DPRX: variants seen among roughly 807,000 people sequenced by gnomAD.
DPRX encodes divergent-paired related homeobox, also known as divergent paired-related homeobox.
DPRX carries 11 observed loss-of-function variants against 8.4 expected under a neutral mutation model. The observed-to-expected ratio is 1.31, with a 90% CI of 0.82 to 2.17. DPRX has a LOEUF of 2.17. Ranked by LOEUF, DPRX falls within the 30% of genes most tolerant of loss-of-function variation. The pLI is 0.00. For synonymous variants in DPRX, 72 were observed against 87.0 expected (o/e 0.83, Z 0.96); for missense variants, 211 against 236.7 (o/e 0.89, Z 0.71).
At chr19:53,606,603 A>C in the DPRX span, 1 of 152,846 alleles carries the variant, frequency 6.5e-6, no homozygotes, top group African/African-American at 2.4e-5. The surrounding 1 kb of genome is among the most constrained non-coding windows in gnomAD (Gnocchi z 4.8). Context: ...AAGCAGATGA[A>C]GATCGAGGTC....
chr19:53,616,166 C>T, the DPRX span, among the ~76,000 whole-genome samples: 5 of 151,932 alleles, frequency 3.3e-5, no homozygotes, highest in Non-Finnish European at 7.4e-5. Flanking sequence ...GCAGGAGAAT[C>T]GCTTGAATCC....
the DPRX span, among the ~76,000 whole-genome samples, chr19:53,626,816 A>G: frequency 2.6e-5 from 4 of 152,102 alleles, no homozygotes; most frequent in African/African-American, 9.7e-5. Context: ...CTGGTGCCTC[A>G]GCCTCCCGAG....
the DPRX span, among the ~76,000 whole-genome samples, chr19:53,614,286 G>C: frequency 1.3e-5 from 2 of 152,230 alleles, no homozygotes; most frequent in South Asian, 4.2e-4. Context: ...GCGATGGTGC[G>C]TGCCTGTGGT....
chr19:53,602,267 GGTGTGTGTGTGTGTGTGTGT>G, the DPRX span: 20 of 277,292 alleles, frequency 7.2e-5, no homozygotes, highest in East Asian at 4.3e-4. Context: ...TATGGGTATG[GGTGTGTGTGTGTGTGTGTGT>G]GTGTGTGTGT....
chr19:53,618,414 A>G, the DPRX span, among the ~76,000 whole-genome samples: 3 of 151,942 alleles, frequency 2.0e-5, no homozygotes, highest in South Asian at 6.2e-4. Context: ...CTGCCTGAAC[A>G]ATAACATGTA....
the DPRX span, among the ~76,000 whole-genome samples, chr19:53,624,298 A>C: frequency 6.6e-6 from 1 of 151,742 alleles, no homozygotes; most frequent in Non-Finnish European, 1.5e-5. Flanking sequence ...CCTGTTGCCC[A>C]GGCTGGTCTC....
chr19:53,612,033 G>A, the DPRX span, among the ~76,000 whole-genome samples: 3 of 151,442 alleles, frequency 2.0e-5, no homozygotes, highest in Admixed American at 6.6e-5. Flanking sequence ...GCCGTGAGCC[G>A]AGATCGTGCC....
the DPRX span, chr19:53,604,498 C>A: frequency 6.6e-6 from 1 of 152,572 alleles, no homozygotes; most frequent in Admixed American, 6.6e-5. Flanking sequence ...ACAGGAAAGC[C>A]ATGATTGCTA....
At chr19:53,627,690 C>T (rs1411728072), upstream of DPRX, among the ~76,000 whole-genome samples, 2 of 150,624 alleles carry the variant, frequency 1.3e-5, no homozygotes, top group Admixed American at 1.3e-4. Context: ...CCGCCCACCT[C>T]GGCCTCCCAA....
intron 1 of DPRX, among the ~76,000 whole-genome samples, chr19:53,632,902 G>A (rs1030891229): frequency 6.6e-6 from 1 of 152,198 alleles, no homozygotes; most frequent in Non-Finnish European, 1.5e-5. Context: ...TTAGGTCCTA[G>A]ATAGAATATA....
At chr19:53,633,689 T>C (rs535603823) in intron 1 of DPRX, among the ~76,000 whole-genome samples, 5 of 152,214 alleles carry the variant, frequency 3.3e-5, no homozygotes, top group African/African-American at 7.2e-5. Flanking sequence ...TTTGTACTTT[T>C]AGTAGAGACA....
chr19:53,626,404 AG>A, the DPRX span, among the ~76,000 whole-genome samples: 1 of 152,074 alleles, frequency 6.6e-6, no homozygotes, highest in African/African-American at 2.4e-5. Flanking sequence ...CTACAAAAAA[AG>A]TTTTAATTAG....
chr19:53,620,917 T>TAAA, the DPRX span, among the ~76,000 whole-genome samples: 1 of 151,972 alleles, frequency 6.6e-6, no homozygotes, highest in Non-Finnish European at 1.5e-5. Context: ...TTCTATGGGA[T>TAAA]AAATGACAGC....
chr19:53,613,489 G>A, the DPRX span, among the ~76,000 whole-genome samples: 8 of 151,722 alleles, frequency 5.3e-5, no homozygotes, highest in Non-Finnish European at 7.4e-5. Flanking sequence ...CTGGAATTAC[G>A]GGTGCGTGCC....
At chr19:53,633,049 A>T (rs2091099082) in intron 1 of DPRX, among the ~76,000 whole-genome samples, 1 of 152,090 alleles carries the variant, frequency 6.6e-6, no homozygotes, top group Non-Finnish European at 1.5e-5. Context: ...TAATCCCAGC[A>T]CTTTGGGAGG....
At chr19:53,615,768 G>A in the DPRX span, among the ~76,000 whole-genome samples, 88 of 151,272 alleles carry the variant, frequency 5.8e-4, no homozygotes, top group Non-Finnish European at 6.5e-4. Context: ...TGAAAAGTTC[G>A]ATTTTTCCTG....
the DPRX span, among the ~76,000 whole-genome samples, chr19:53,612,187 C>T: frequency 6.6e-6 from 1 of 151,478 alleles, no homozygotes; most frequent in African/African-American, 2.4e-5. Context: ...AATTCAAGAC[C>T]AGCCTGAGAA....
the DPRX span, among the ~76,000 whole-genome samples, chr19:53,619,472 A>G: frequency 3.9e-4 from 59 of 152,010 alleles, no homozygotes; most frequent in African/African-American, 1.4e-3. Flanking sequence ...GTTGGGAGTT[A>G]GAGACCAGCC....
chr19:53,631,098 C>T (rs1259629739), upstream of DPRX, among the ~76,000 whole-genome samples: 1 of 151,938 alleles, frequency 6.6e-6, no homozygotes, highest in African/African-American at 2.4e-5. Flanking sequence ...CCGCCTGCCT[C>T]AGCCTCCCAA....
Sources: allele counts gnomAD v4.1 joint callset (sites outside exome capture counted in the v4.1 genomes callset), GRCh38; gene constraint gnomAD v4.1.1; non-coding constraint Gnocchi (gnomAD v3.1); transcripts MANE v1.5; gene names NCBI Gene and HGNC (gene_info 2026-07-23, HGNC 2026-07-21).